COL13A1: variants seen among roughly 807,000 people sequenced by gnomAD.
COL13A1 encodes the protein collagen alpha-1(XIII) chain.
COL13A1 carries 89 observed loss-of-function variants against 130.9 expected under a neutral mutation model. The observed-to-expected ratio is 0.68, with a 90% CI of 0.57 to 0.81. COL13A1 has a LOEUF of 0.81. Among genes scored for constraint, COL13A1 ranks in the 30% least tolerant of loss-of-function variants. The probability of loss-of-function intolerance (pLI) is 0.00; values close to 1 mark genes in which losing one functional copy is unlikely to be tolerated. For synonymous variants in COL13A1, 402 were observed against 341.6 expected (o/e 1.18, Z -1.95); for missense variants, 879 against 934.6 (o/e 0.94, Z 0.78).
intron 10 of COL13A1, among the ~76,000 whole-genome samples, chr10:69,892,589 T>C (rs1188251744): frequency 1.3e-5 from 2 of 152,126 alleles, no homozygotes; most frequent in African/African-American, 2.4e-5. Flanking sequence ...ACTCAGAACA[T>C]GCTTGGCACC....
At chr10:69,948,765 G>A (rs187691852) in intron 38 of COL13A1, among the ~76,000 whole-genome samples, 6 of 152,280 alleles carry the variant, frequency 3.9e-5, no homozygotes, top group Admixed American at 3.9e-4. Flanking sequence ...GTCCTTCAAG[G>A]GACGGTGACC....
intron 30 of COL13A1, among the ~76,000 whole-genome samples, chr10:69,931,556 C>A (rs185110130): frequency 8.7e-4 from 133 of 152,290 alleles, no homozygotes; most frequent in African/African-American, 3.1e-3. Context: ...GTGGAAAGAG[C>A]CTCAGAGGTC....
Position 69,829,161 on chromosome 10 carries a change from C to G in COL13A1, c.364+6723C>G, listed in dbSNP as rs1236633040. 4.6e-6 allele frequency: 4 copies of G among 872,292 alleles called. No individual in the cohort carries two copies. The African/African-American group carries it at 7.3e-5, about 16-fold the overall frequency. 54.0% of individuals were successfully genotyped at this position (872,292 alleles called of 1,614,324 possible). On this transcript the variant is annotated intron_variant, in intron 2 of 40. Transcript: ENST00000645393. ...CTGAACACCACCATTTCCCTCACAC[C>G]CCGTCAATCACCAAGTCTCATTCAT... is the stretch of plus-strand genomic sequence containing the variant.
intron 14 of COL13A1, among the ~76,000 whole-genome samples, chr10:69,900,189 G>A (rs890666425): frequency 2.0e-4 from 31 of 152,272 alleles, no homozygotes; most frequent in African/African-American, 6.7e-4. Context: ...GGAGAGCTGA[G>A]TCCACACTCT....
chr10:69,936,697 A>T, intron 32 of COL13A1, 59 bp from the exon 33 acceptor site: 14 of 1,600,418 alleles, frequency 8.7e-6, no homozygotes, highest in Non-Finnish European at 1.2e-5. Context: ...TTTGTGGACT[A>T]GGCAGTTGTG....
intron 1 of COL13A1, among the ~76,000 whole-genome samples, chr10:69,814,393 A>C (rs1159586349): frequency 1.3e-5 from 2 of 152,210 alleles, no homozygotes; most frequent in East Asian, 1.9e-4. Flanking sequence ...CCATGGAGCC[A>C]GGGCAGCAGG....
chr10:69,941,138 C>T (rs958652460), intron 35 of COL13A1, 115 bp downstream of exon 35: 2 of 1,533,902 alleles, frequency 1.3e-6, no homozygotes, highest in Non-Finnish European at 9.0e-7. Context: ...CCTGGTCCCA[C>T]CTCCGACACC....
intron 31 of COL13A1, among the ~76,000 whole-genome samples, chr10:69,934,678 C>T (rs2066598215): frequency 6.6e-6 from 1 of 152,220 alleles, no homozygotes; most frequent in South Asian, 2.1e-4. Flanking sequence ...GAGGAGGCAG[C>T]CCTGAGCTCC....
In COL13A1 at chr10:69,928,984, G is replaced by A; in HGVS notation, c.1470G>A (p.Gly490=). 1 of 1,613,408 alleles carries A rather than the reference G, an allele frequency of 6.2e-7. No homozygotes were observed. The highest frequency in any genetic ancestry group is 8.5e-7 in the Non-Finnish European group (1 of 1,179,580). ...PGQIGPPGAP[G]IPGQKGEIGL... is the part of the protein sequence containing the mutation. ...AAATTGGCCCACCTGGAGCTCCAGG[G>A]ATTCCAGGCCAGAAGGTAAATCTTA... is the stretch of plus-strand genomic sequence containing the variant. Residue 490 remains glycine, a synonymous_variant, in exon 28 of 41, where the codon GGG becomes GGA. Transcript: ENST00000645393.
At position 69,949,051 on chromosome 10, in the gene COL13A1, G is replaced by C. The variant is rs1171550701; in HGVS notation, c.2058+1709G>C. Among the ~76,000 whole-genome samples the C allele has an allele frequency of 1.3e-5, 2 of 152,158 alleles. 1 individual carries two copies. Among genetic ancestry groups the C allele is most frequent in the Admixed American group, 1.3e-4 (2 of 15,280 alleles). Reference sequence around the variant, plus strand: ...ACCTTTCTTTTGAGCACACCATAAAGAGCCAATTGACTTATTCCCAAAGAG... The same window carrying C: ...ACCTTTCTTTTGAGCACACCATAAACAGCCAATTGACTTATTCCCAAAGAG... On this transcript the variant is annotated intron_variant, in intron 38 of 40. Coordinates refer to ENST00000645393, the MANE Select transcript of COL13A1 (RefSeq NM_001368882.1).
intron 5 of COL13A1, chr10:69,877,619 C>G (rs2059695498): frequency 1.1e-5 from 2 of 185,842 alleles, no homozygotes; most frequent in African/African-American, 2.4e-5. Flanking sequence ...ATCTTGTTCT[C>G]TTTTCTCTAT....
chr10:69,811,054 T>TGGCTGGGGCCCACGTA (rs1056473246), intron 1 of COL13A1, among the ~76,000 whole-genome samples: 2 of 152,228 alleles, frequency 1.3e-5, no homozygotes, highest in African/African-American at 4.8e-5. Context: ...AAACCCCACA[T>TGGCTGGGGCCCACGTA]GGCTGGGGCC....
chr10:69,902,704 G>A (rs2062327502), intron 14 of COL13A1, 44 bp from the exon 15 acceptor site: 1 of 1,506,594 alleles, frequency 6.6e-7, no homozygotes, highest in Admixed American at 2.1e-5. Flanking sequence ...ACGGTCTGCA[G>A]CTCTGGGGGC....
At position 69,888,324 on chromosome 10, in the gene COL13A1, C is replaced by G. The variant is rs536370355; in HGVS notation, c.570C>G (p.Gly190=). 125 of 1,612,786 alleles carry G rather than the reference C, an allele frequency of 7.8e-5. No homozygotes were observed. The East Asian group carries it at 2.2e-3, about 28-fold the overall frequency. Residue 190 remains glycine, a synonymous_variant, in exon 9 of 41, where the codon GGC becomes GGG. Coordinates refer to ENST00000645393, the MANE Select transcript of COL13A1 (RefSeq NM_001368882.1). ...PGFPGPIGLD[G]KPGHPGPKGD... ...TTCAGGGTCCCATTGGGCTGGACGGCAAACCGGTAAGTGGACCCGCTCTCT... is the reference window on the plus strand; with the variant it reads ...TTCAGGGTCCCATTGGGCTGGACGGGAAACCGGTAAGTGGACCCGCTCTCT...
At chr10:69,937,258 G>A (rs893847532) in intron 33 of COL13A1, among the ~76,000 whole-genome samples, 2 of 152,172 alleles carry the variant, frequency 1.3e-5, no homozygotes, top group East Asian at 3.9e-4. Context: ...AGACTTCGGG[G>A]CAGTTTGTTC....
intron 2 of COL13A1, among the ~76,000 whole-genome samples, chr10:69,866,067 G>T (rs1352462057): frequency 1.3e-5 from 2 of 152,190 alleles, no homozygotes; most frequent in African/African-American, 2.4e-5. Context: ...TGGTGGCAGT[G>T]GTGGTGATGT....
chr10:69,927,170 C>G lies in COL13A1; in HGVS notation c.1422+60C>G, dbSNP rs2065480945. ...TGGACGGGGGGGCTGGGGATGGCAGCCTGGAAGCAAGGATTTGATTTCTCC... is the reference window on the plus strand; with the variant it reads ...TGGACGGGGGGGCTGGGGATGGCAGGCTGGAAGCAAGGATTTGATTTCTCC... On this transcript the variant is annotated intron_variant, in intron 27 of 40. Transcript: ENST00000645393. 48 of 1,607,306 alleles carry G rather than the reference C, an allele frequency of 3.0e-5. No homozygotes were observed. In the South Asian group the frequency reaches 5.3e-4, roughly 18 times the overall value.
chr10:69,867,850 T>G, intron 3 of COL13A1, 45 bp downstream of exon 3: 1 of 718,224 alleles, frequency 1.4e-6, no homozygotes. Flanking sequence ...AAGGCCTGTG[T>G]CACCTGCTGG....
chr10:69,802,435 G>A lies in COL13A1; in HGVS notation c.12G>A (p.Glu4=), dbSNP rs1417803064. 34 of 1,500,316 alleles carry A rather than the reference G, an allele frequency of 2.3e-5. No homozygotes were observed. Among genetic ancestry groups the A allele is most frequent in the Non-Finnish European group, 8.8e-7 (1 of 1,130,632 alleles). The allele number at this position is 1,500,316 out of a possible 1,614,324, so 92.9% of individuals were successfully genotyped here. A position where few individuals can be genotyped will look rare whatever the true frequency, so the allele number is the denominator to read the frequency against. The change falls in exon 1 of 41, where the codon GAG becomes GAA. Residue 4 remains glutamate, a synonymous_variant. Transcript: ENST00000645393. MVA[E]RTHKAAATGA... ...CAAGACGCGAGAGGATGGTAGCGGA[G>A]CGCACCCACAAAGCGGCAGCCACCG...
Sources: allele counts gnomAD v4.1 joint callset (sites outside exome capture counted in the v4.1 genomes callset), GRCh38; gene constraint gnomAD v4.1.1; transcripts MANE v1.5; gene names NCBI Gene and HGNC (gene_info 2026-07-23, HGNC 2026-07-21).